The following ZBTB16 variants were observed in gnomAD, a reference collection of about 807,000 sequenced individuals.
ZBTB16 encodes zinc finger and BTB domain containing 16.
Under a neutral mutation model 56.8 loss-of-function variants are expected in ZBTB16, and 8 were observed. The observed-to-expected ratio is 0.14, with a 90% CI of 0.08 to 0.25. The LOEUF (loss-of-function observed/expected upper bound fraction) is 0.25. Ranked by LOEUF, ZBTB16 falls within the 10% of genes least tolerant of loss-of-function variation. The pLI is 1.00. For missense variants in ZBTB16, 625 were observed against 903.0 expected, an observed-to-expected ratio of 0.69 and a Z score of 3.95; for synonymous variants, 363 against 368.5, an observed-to-expected ratio of 0.98 and a Z score of 0.17.
chr11:114,105,244 C>CTCTT (rs1555135687), intron 2 of ZBTB16, among the ~76,000 whole-genome samples: 4 of 145,884 alleles, frequency 2.7e-5, no homozygotes, highest in African/African-American at 1.0e-4. Context: ...CTCTCTCTCT[C>CTCTT]TTTTTTTTTT....
intron 2 of ZBTB16, among the ~76,000 whole-genome samples, chr11:114,148,425 C>CTCTCTGTCTGTCTG (rs1491563582): frequency 1.2e-4 from 2 of 16,976 alleles, no homozygotes; most frequent in Admixed American, 1.7e-3. Context: ...CCCTCCCTCC[C>CTCTCTGTCTGTCTG]TCTCTCTCTC....
chr11:114,113,264 C>T (rs1334206360), intron 2 of ZBTB16, among the ~76,000 whole-genome samples: 1 of 152,220 alleles, frequency 6.6e-6, no homozygotes, highest in Non-Finnish European at 1.5e-5. Flanking sequence ...AAGTGATTTA[C>T]CAGACAGGTC....
chr11:114,082,915 G>A (rs796968922), intron 2 of ZBTB16, among the ~76,000 whole-genome samples: 10 of 152,302 alleles, frequency 6.6e-5, no homozygotes, highest in African/African-American at 2.2e-4. Flanking sequence ...TATCTCCCGC[G>A]GGCCAGTCTC....
intron 2 of ZBTB16, among the ~76,000 whole-genome samples, chr11:114,136,899 A>C (rs1387807340): frequency 6.6e-6 from 1 of 152,124 alleles, no homozygotes; most frequent in Non-Finnish European, 1.5e-5. Flanking sequence ...CCTTAGTCAC[A>C]TGTCCTATAC....
chr11:114,195,429 G>A (rs538220752), intron 4 of ZBTB16, among the ~76,000 whole-genome samples: 8 of 152,260 alleles, frequency 5.3e-5, no homozygotes, highest in Admixed American at 2.0e-4. Flanking sequence ...CAGGGAGCAG[G>A]AAAGGGGGAT....
At chr11:114,146,320 CT>C (rs1404295645) in intron 2 of ZBTB16, among the ~76,000 whole-genome samples, 1 of 152,082 alleles carries the variant, frequency 6.6e-6, no homozygotes, top group Non-Finnish European at 1.5e-5. Flanking sequence ...TTTCCTGCCC[CT>C]TTCAGGGAAA....
At chr11:114,162,310 T>A (rs961154092) in intron 3 of ZBTB16, among the ~76,000 whole-genome samples, 1 of 152,216 alleles carries the variant, frequency 6.6e-6, no homozygotes, top group Non-Finnish European at 1.5e-5. Flanking sequence ...TTATTCTTTT[T>A]TGGAGCACTG....
At chr11:114,240,116 T>A (rs1944672150) in intron 4 of ZBTB16, among the ~76,000 whole-genome samples, 1 of 152,194 alleles carries the variant, frequency 6.6e-6, no homozygotes, top group East Asian at 1.9e-4. Flanking sequence ...TCTCCTTCCC[T>A]GCTCAGCCTT....
At chr11:114,162,250 A>G (rs1027926349) in intron 3 of ZBTB16, among the ~76,000 whole-genome samples, 1 of 152,234 alleles carries the variant, frequency 6.6e-6, no homozygotes, top group Non-Finnish European at 1.5e-5. Context: ...GAAGAAAAGC[A>G]TTACAAGATG....
Position 114,100,986 on chromosome 11 carries a change from C to G in ZBTB16, c.1268+36418C>G, listed in dbSNP as rs117157911. ...TCCCCGGGGGGTTCATGGCCAGGAG[C>G]GTTGCAAGCTGGTTTGTTTGTTTGT... On this transcript the variant is annotated intron_variant, in intron 2 of 6. Coordinates refer to ENST00000335953, the MANE Select transcript of ZBTB16 (RefSeq NM_006006.6). 4.1e-4 allele frequency among the ~76,000 whole-genome samples: 63 copies of G among 151,866 alleles called. 1 individual carries two copies. In the East Asian group the frequency reaches 0.012, roughly 30 times the overall value.
At chr11:114,191,451 C>T (rs1363119784) in intron 4 of ZBTB16, among the ~76,000 whole-genome samples, 1 of 152,148 alleles carries the variant, frequency 6.6e-6, no homozygotes, top group African/African-American at 2.4e-5. Context: ...TTGGCTGTCC[C>T]ATATAGCCTA....
rs898383491 is a variant in ZBTB16, at chr11:114,064,585, C to T, written c.1268+17C>T. The T allele has an allele frequency of 3.1e-6, 5 of 1,612,828 alleles. No homozygotes were observed. In the Admixed American group the frequency reaches 5.0e-5, roughly 16 times the overall value. On this transcript the variant is annotated intron_variant, in intron 2 of 6. Transcript: ENST00000335953. This position sits in a 1 kb window ranked among gnomAD's most constrained non-coding sequence, Gnocchi z 4.2. ...GCAGCACAGGTAGGCCCCGCTCCAG[C>T]CCCGCACCTGATGTAGGACTTGAGG... is the stretch of plus-strand genomic sequence containing the variant.
intron 2 of ZBTB16, among the ~76,000 whole-genome samples, chr11:114,115,847 T>C (rs911603321): frequency 6.6e-6 from 1 of 152,062 alleles, no homozygotes; most frequent in Non-Finnish European, 1.5e-5. Context: ...TACCCTGCAG[T>C]AGGGATCTCC....
At chr11:114,249,087 C>T (rs1412203436) in intron 6 of ZBTB16, among the ~76,000 whole-genome samples, 2 of 152,058 alleles carry the variant, frequency 1.3e-5, no homozygotes, top group South Asian at 2.1e-4. Flanking sequence ...CTCCCAGGTT[C>T]TTTATCCCTC....
intron 2 of ZBTB16, among the ~76,000 whole-genome samples, chr11:114,149,974 C>T (rs1942242907): frequency 6.6e-6 from 1 of 152,180 alleles, no homozygotes; most frequent in Admixed American, 6.5e-5. Flanking sequence ...GTTCTGGCTG[C>T]CTGGATCTGT....
intron 2 of ZBTB16, among the ~76,000 whole-genome samples, chr11:114,094,889 A>T (rs1940322681): frequency 6.6e-6 from 1 of 152,254 alleles, no homozygotes; most frequent in Admixed American, 6.5e-5. Context: ...CTCTGGGATC[A>T]GTTTCACTGA....
intron 5 of ZBTB16, among the ~76,000 whole-genome samples, chr11:114,246,126 C>G (rs113801881): frequency 5.9e-5 from 9 of 152,296 alleles, no homozygotes; most frequent in African/African-American, 1.9e-4. Flanking sequence ...GCAGTTCTCT[C>G]CAAGTTTCAT....
chr11:114,104,234 A>G (rs982170879), intron 2 of ZBTB16, among the ~76,000 whole-genome samples: 4 of 152,312 alleles, frequency 2.6e-5, no homozygotes, highest in African/African-American at 7.2e-5. Context: ...TCTTATGGTC[A>G]TTGCTACTTT....
intron 3 of ZBTB16, among the ~76,000 whole-genome samples, chr11:114,180,385 G>A (rs1338243734): frequency 2.0e-5 from 3 of 152,160 alleles, no homozygotes; most frequent in South Asian, 2.1e-4. Context: ...GTAGTCACTC[G>A]GCAGATCACT....
Sources: allele counts gnomAD v4.1 joint callset (sites outside exome capture counted in the v4.1 genomes callset), GRCh38; gene constraint gnomAD v4.1.1; non-coding constraint Gnocchi (gnomAD v3.1); transcripts MANE v1.5; gene names NCBI Gene and HGNC (gene_info 2026-07-23, HGNC 2026-07-21).